TRRAP: variants seen among roughly 807,000 people sequenced by gnomAD.
TRRAP encodes the protein transformation/transcription domain associated protein.
TRRAP carries 41 observed loss-of-function variants against 438.8 expected under a neutral mutation model. That is an observed-to-expected ratio of 0.09 (90% CI 0.07 to 0.12). The LOEUF (loss-of-function observed/expected upper bound fraction) is 0.12. TRRAP is among the 10% of genes least tolerant of loss of function. The pLI is 1.00. For missense variants in TRRAP, 3,122 were observed against 5,055.1 expected, an observed-to-expected ratio of 0.62 and a Z score of 11.60; for synonymous variants, 1,994 against 1,962.9, an observed-to-expected ratio of 1.02 and a Z score of -0.42.
At chr7:99,009,905 T>C (rs866754651) in intron 70 of TRRAP, among the ~76,000 whole-genome samples, 2 of 129,332 alleles carry the variant, frequency 1.5e-5, no homozygotes, top group African/African-American at 7.4e-5. Flanking sequence ...TTTTTTTTTT[T>C]AGATAGAGTT....
rs758821266 is a variant in TRRAP, at chr7:98,976,977, A to G, written c.8286A>G (p.Leu2762=). Residue 2762 remains leucine (L), a synonymous_variant, in exon 56 of 73, where the codon TTA becomes TTG. Transcript: ENST00000456197. This position sits in a 1 kb window ranked among gnomAD's most constrained non-coding sequence, Gnocchi z 4.6. ...CCCTTGCGGAGCTTTACTCCCTGTT[A>G]CAAGAGGAAGATATGTGGGCTGGTC... ...LDSLAELYSL[L]QEEDMWAGLW... 1.9e-6 allele frequency: 3 copies of G among 1,614,120 alleles called. No homozygotes were observed. Among genetic ancestry groups the G allele is most frequent in the East Asian group, 2.2e-5 (1 of 44,878 alleles).
At chr7:99,006,159 C>T (rs904770525) in intron 69 of TRRAP, among the ~76,000 whole-genome samples, 12 of 152,076 alleles carry the variant, frequency 7.9e-5, no homozygotes, top group Admixed American at 2.6e-4. Flanking sequence ...CTGATTGTAC[C>T]GGCACGTAGA....
intron 53 of TRRAP, among the ~76,000 whole-genome samples, chr7:98,972,737 C>A (rs952047731): frequency 6.6e-6 from 1 of 152,190 alleles, no homozygotes; most frequent in Non-Finnish European, 1.5e-5. Flanking sequence ...TTATTCTGTT[C>A]ATATCAGGAG....
In TRRAP at chr7:98,956,824, T is replaced by C. The variant is rs566917887; in HGVS notation, c.6231+291T>C. ...AAACTCTTTGAAGTAAGGAGTTGAT[T>C]AAGAACATGTGCCCATACTGAGATC... On this transcript the variant is annotated intron_variant, in intron 43 of 72. Transcript: ENST00000456197. This position sits in a 1 kb window ranked among gnomAD's most constrained non-coding sequence, Gnocchi z 4.5. 6.6e-6 allele frequency among the ~76,000 whole-genome samples: 1 copy of C among 152,188 alleles called. No individual in the cohort carries two copies. The highest frequency in any genetic ancestry group is 1.5e-5 in the Non-Finnish European group (1 of 68,046).
At position 98,976,032 on chromosome 7, in the gene TRRAP, T is replaced by A; in HGVS notation, c.7840-117T>A. ...GGCATTTTCTCAGATCTTTGAAACT[T>A]TGAAAGTGGAGGAGCATCGGTAATG... On this transcript the variant is annotated intron_variant, in intron 53 of 72. Transcript: ENST00000456197. This position sits in a 1 kb window ranked among gnomAD's most constrained non-coding sequence, Gnocchi z 4.6. The A allele has an allele frequency of 2.3e-6, 3 of 1,308,286 alleles. No homozygotes were observed. The highest frequency in any genetic ancestry group is 2.1e-6 in the Non-Finnish European group (2 of 974,912). 81.0% of individuals were successfully genotyped at this position (1,308,286 alleles called of 1,614,324 possible). A position where few individuals can be genotyped will look rare whatever the true frequency, so the allele number is the denominator to read the frequency against.
chr7:98,969,475 C>T (rs1368194658), intron 51 of TRRAP, among the ~76,000 whole-genome samples: 1 of 152,246 alleles, frequency 6.6e-6, no homozygotes, highest in African/African-American at 2.4e-5. Flanking sequence ...CCTGACACTT[C>T]AGCTCCTTGA....
chr7:98,978,218 A>C lies in TRRAP; in HGVS notation c.8393A>C (p.Glu2798Ala). Residue 2798 changes from glutamate to alanine, a missense_variant, in exon 57 of 73, where the codon GAA becomes GCA. Glu to Ala is a moderately radical substitution (Grantham distance 107). Around this residue, in one of 24 missense-constraint regions of TRRAP, gnomAD observed 992 missense variants for 1,281.2 expected, o/e 0.77. Coordinates refer to ENST00000456197, the MANE Select transcript of TRRAP (RefSeq NM_001375524.1). ...EQHGFFEQAQ[E>A]SYEKAMDKAK... ...AACATTAACTTTTTTTAGGCACAAGAATCCTATGAAAAGGCAATGGATAAA... is the reference window on the plus strand; with the variant it reads ...AACATTAACTTTTTTTAGGCACAAGCATCCTATGAAAAGGCAATGGATAAA... 1.2e-6 allele frequency: 2 copies of C among 1,613,004 alleles called. No individual in the cohort carries two copies. Among genetic ancestry groups the C allele is most frequent in the Non-Finnish European group, 1.7e-6 (2 of 1,179,592 alleles).
rs1371746151 is a variant in TRRAP at position 98,951,363 on chromosome 7, A to G, written c.5463+359A>G. ...TTCCATTTTCATCTTCAGTTTTACA[A>G]AAGACTCTCCTAACAGCCAGTGAGC... On this transcript the variant is annotated intron_variant, in intron 39 of 72. Transcript: ENST00000456197. 2.6e-5 allele frequency among the ~76,000 whole-genome samples: 4 copies of G among 152,158 alleles called. No individual in the cohort carries two copies. In the East Asian group the frequency reaches 7.7e-4, roughly 29 times the overall value.
intron 30 of TRRAP, among the ~76,000 whole-genome samples, chr7:98,938,035 G>A (rs1790632074): frequency 1.3e-5 from 2 of 152,162 alleles, no homozygotes; most frequent in Admixed American, 1.3e-4. Context: ...TTAGCCTGGT[G>A]TGGCAGCGTG....
At chr7:98,919,037 A>G (rs1266623190) in intron 20 of TRRAP, among the ~76,000 whole-genome samples, 1 of 151,824 alleles carries the variant, frequency 6.6e-6, no homozygotes, top group Non-Finnish European at 1.5e-5. Flanking sequence ...AGTTTTTCCT[A>G]CATATTTTGC....
At position 98,927,323 on chromosome 7, in the gene TRRAP, C is replaced by T; in HGVS notation, c.3132C>T (p.Ser1044=). 1 of 1,613,994 alleles carries T rather than the reference C, an allele frequency of 6.2e-7. No homozygotes were observed. The highest frequency in any genetic ancestry group is 8.5e-7 in the Non-Finnish European group (1 of 1,180,002). The change falls in exon 23 of 73, where the codon AGC becomes AGT. Residue 1044 remains serine, a synonymous_variant. Coordinates refer to ENST00000456197, the MANE Select transcript of TRRAP (RefSeq NM_001375524.1). ...LRPSALPFVA[S]LIRHYTMVAV... Reference sequence around the variant, plus strand: ...CCAGCGCCCTGCCCTTTGTCGCCAGCTTGATCCGCCACTATACGATGGTGG... The same window carrying T: ...CCAGCGCCCTGCCCTTTGTCGCCAGTTTGATCCGCCACTATACGATGGTGG...
In TRRAP at chr7:98,965,790, C is replaced by G. The variant is rs1467032953; in HGVS notation, c.7071C>G (p.Ile2357Met). ...TGCGGAAGAACTTCATCCAGGCCAT[C>G]CTGACATCCCTCATCGAAAAATCAC... ...MEMRKNFIQAILTSLIEKSPD... is the reference protein window; with the variant it reads ...MEMRKNFIQAMLTSLIEKSPD... Residue 2357 changes from isoleucine (I) to methionine (M), a missense_variant, in exon 49 of 73, where the codon ATC becomes ATG. This residue lies in a region of TRRAP where 992 missense variants were observed against 1,281.2 expected (regional missense o/e 0.77). Transcript: ENST00000456197. The G allele has an allele frequency of 6.2e-7, 1 of 1,614,080 alleles. No homozygotes were observed.
chr7:98,993,260 G>A lies in TRRAP; in HGVS notation c.9848-278G>A, dbSNP rs1793507962. On this transcript the variant is annotated intron_variant, in intron 65 of 72. Transcript: ENST00000456197. ...ACCTGGACTCACCAGGCGGCGTGTT[G>A]TCACATCTGCATCCTCCTAAAACAC... 2.6e-5 allele frequency among the ~76,000 whole-genome samples: 4 copies of A among 152,366 alleles called. No individual in the cohort carries two copies. The South Asian group carries it at 8.3e-4, about 32-fold the overall frequency.
intron 18 of TRRAP, among the ~76,000 whole-genome samples, chr7:98,914,496 A>G (rs1428702389): frequency 1.3e-5 from 2 of 152,118 alleles, no homozygotes; most frequent in Non-Finnish European, 2.9e-5. Context: ...CCAGCATTAG[A>G]TATGACTATG....
rs1275796170 is a variant in TRRAP, at chr7:98,910,232, C to A, written c.1527C>A (p.Pro509=). The change falls in exon 15 of 73, where the codon CCC becomes CCA. Residue 509 remains proline (P), a synonymous_variant. Coordinates refer to ENST00000456197, the MANE Select transcript of TRRAP (RefSeq NM_001375524.1). The part of the protein sequence containing the change: ...SPAPVPAPPP[P]PPPPPPATPV... The stretch of plus-strand genomic sequence containing the variant: ...CCCCTGTCCCTGCCCCACCTCCACC[C>A]CCGCCCCCACCCCCACCTGCCACCC... 1 of 1,435,372 alleles carries A rather than the reference C, an allele frequency of 7.0e-7. No individual in the cohort carries two copies. The highest frequency in any genetic ancestry group is 1.5e-5 in the African/African-American group (1 of 68,714). The allele number at this position is 1,435,372 out of a possible 1,614,324, so 88.9% of individuals were successfully genotyped here.
At position 99,012,045 on chromosome 7, in the gene TRRAP, G is replaced by A; in HGVS notation, c.11338-26G>A. On this transcript the variant is annotated intron_variant, in intron 72 of 72. Coordinates refer to ENST00000456197, the MANE Select transcript of TRRAP (RefSeq NM_001375524.1). This position sits in a 1 kb window ranked among gnomAD's most constrained non-coding sequence, Gnocchi z 5.9. ...GTGGGCTGTTCTTGGTTAAACACAA[G>A]TCGTCTCGTTCTCTCCCTCACGCAG... The A allele has an allele frequency of 1.9e-6, 3 of 1,606,586 alleles. No individual in the cohort carries two copies. The highest frequency in any genetic ancestry group is 2.6e-6 in the Non-Finnish European group (3 of 1,174,528).
chr7:98,961,219 GTGTT>G, intron 45 of TRRAP, 38 bp from the exon 46 acceptor site: 3 of 1,593,116 alleles, frequency 1.9e-6, no homozygotes, highest in South Asian at 2.2e-5. Flanking sequence ...TTGTCATTGA[GTGTT>G]TGTTTCCTCT....
intron 39 of TRRAP, among the ~76,000 whole-genome samples, chr7:98,951,694 C>G (rs1364044023): frequency 1.3e-5 from 2 of 152,170 alleles, no homozygotes; most frequent in African/African-American, 4.8e-5. Context: ...CCATTTTGTC[C>G]TGAGATCAAG....
At chr7:98,918,474 C>T (rs1554409915) in intron 20 of TRRAP, among the ~76,000 whole-genome samples, 1 of 151,714 alleles carries the variant, frequency 6.6e-6, no homozygotes, top group Admixed American at 6.6e-5. Flanking sequence ...ATGATCCGCC[C>T]ACCTCAGCCT....
Sources: allele counts gnomAD v4.1 joint callset (sites outside exome capture counted in the v4.1 genomes callset), GRCh38; gene constraint gnomAD v4.1.1; regional missense constraint gnomAD v4.1.1; non-coding constraint Gnocchi (gnomAD v3.1); transcripts MANE v1.5; gene names NCBI Gene and HGNC (gene_info 2026-07-23, HGNC 2026-07-21).